Variants in RBBP6 observed in about 807,000 individuals in gnomAD.
The protein encoded by RBBP6 is RB binding protein 6, ubiquitin ligase.
In RBBP6, 25 loss-of-function variants were observed where a neutral mutation model predicts 167.7. The observed-to-expected ratio is 0.15, with a 90% CI of 0.11 to 0.21. The LOEUF (loss-of-function observed/expected upper bound fraction) is 0.21, where lower values mean the gene tolerates loss of function less well. RBBP6 is among the 10% of genes least tolerant of loss of function. The pLI, the probability that RBBP6 is intolerant of heterozygous loss-of-function variation, is 1.00. For synonymous variants in RBBP6, 789 were observed against 735.8 expected, an observed-to-expected ratio of 1.07 and a Z score of -1.17; for missense variants, 1,868 against 2,134.2, an observed-to-expected ratio of 0.88 and a Z score of 2.46.
intron 13 of RBBP6, 81 bp from the exon 14 acceptor site, chr16:24,564,716 G>T: frequency 3.4e-6 from 5 of 1,454,654 alleles, no homozygotes; most frequent in South Asian, 1.6e-5. Context: ...TAAAATTGGT[G>T]TCTTAACAGC....
chr16:24,560,226 C>T (rs541872836), intron 8 of RBBP6, among the ~76,000 whole-genome samples: 2 of 151,626 alleles, frequency 1.3e-5, no homozygotes, highest in Non-Finnish European at 2.9e-5. Flanking sequence ...TCTGCCTCAG[C>T]CTCCCAAGTA....
rs746604822 is a variant in RBBP6, at chr16:24,572,049, T to C, written c.4983T>C (p.Ile1661=). 22 of 1,614,008 alleles carry C rather than the reference T, an allele frequency of 1.4e-5. No homozygotes were observed. The South Asian group carries it at 2.3e-4, about 17-fold the overall frequency. Residue 1661 remains isoleucine, a synonymous_variant, in exon 18 of 18, where the codon ATT becomes ATC. Coordinates refer to ENST00000319715, the MANE Select transcript of RBBP6 (RefSeq NM_006910.5). ...SVKEEESSGN[I]SKDLKDKIVE... Reference sequence around the variant, plus strand: ...AAGAAGAGGAATCTTCAGGAAACATTTCTAAGGACCTGAAAGATAAAATAG... The same window carrying C: ...AAGAAGAGGAATCTTCAGGAAACATCTCTAAGGACCTGAAAGATAAAATAG...
Position 24,570,382 on chromosome 16 carries a change from C to T in RBBP6, c.3692C>T (p.Pro1231Leu), listed in dbSNP as rs1310010713. The T allele has an allele frequency of 2.5e-6, 4 of 1,612,588 alleles. No individual in the cohort carries two copies. The highest frequency in any genetic ancestry group is 1.7e-5 in the Admixed American group (1 of 59,656). Residue 1231 changes from proline (P) to leucine (L), a missense_variant, in exon 17 of 18, where the codon CCC becomes CTC. Coordinates refer to ENST00000319715, the MANE Select transcript of RBBP6 (RefSeq NM_006910.5). ...GAAAATATATCAAACACAAAAGAAC[C>T]CTCTGAAAAATTGGAGTCAACATCT... is the stretch of plus-strand genomic sequence containing the variant. ...STENISNTKEPSEKLESTSSK... is the reference protein window; with the variant it reads ...STENISNTKELSEKLESTSSK...
At chr16:24,541,210 A>C (rs1301577000) in intron 1 of RBBP6, among the ~76,000 whole-genome samples, 1 of 150,038 alleles carries the variant, frequency 6.7e-6, no homozygotes, top group African/African-American at 2.5e-5. Context: ...AAAACCAAAA[A>C]AACAATTTTC....
rs1004373807 is a variant in RBBP6, at chr16:24,540,490, A to G, written c.-137A>G. ...GAACCCCTGCTTGTGGTTGGGGGGT[A>G]TTTAATCTGAGGCCTTAGGGTCCTT... On this transcript the variant is annotated 5_prime_UTR_variant, in exon 1 of 18. Coordinates refer to ENST00000319715, the MANE Select transcript of RBBP6 (RefSeq NM_006910.5). The G allele has an allele frequency of 5.5e-5, 43 of 777,512 alleles. No individual in the cohort carries two copies. The highest frequency in any genetic ancestry group is 8.1e-5 in the Non-Finnish European group (41 of 509,098). 48.2% of individuals were successfully genotyped at this position (777,512 alleles called of 1,614,324 possible). A position where few individuals can be genotyped will look rare whatever the true frequency, so the allele number is the denominator to read the frequency against.
chr16:24,545,559 C>A (rs900383651), intron 1 of RBBP6, among the ~76,000 whole-genome samples: 1 of 151,802 alleles, frequency 6.6e-6, no homozygotes, highest in African/African-American at 2.4e-5. Flanking sequence ...TTTTTTTATC[C>A]TTTGCCTGAA....
At position 24,571,624 on chromosome 16, in the gene RBBP6, G is replaced by T; in HGVS notation, c.4558G>T (p.Asp1520Tyr). 6.2e-7 allele frequency: 1 copy of T among 1,611,498 alleles called. No individual in the cohort carries two copies. Reference protein sequence around the residue: ...GQKNKPREERDLPKKGTGDSK... With the variant: ...GQKNKPREERYLPKKGTGDSK... ...GAAAAATAAACCAAGGGAAGAGAGA[G>T]ATTTGCCTAAAAAAGGAACAGGAGA... The change falls in exon 18 of 18, where the codon GAT (aspartate) becomes TAT (tyrosine). Residue 1520 changes from aspartate to tyrosine, a missense_variant. By Grantham distance (160) the Asp-to-Tyr change is radical (BLOSUM62 -3). Coordinates refer to ENST00000319715, the MANE Select transcript of RBBP6 (RefSeq NM_006910.5).
rs543933584 is a variant in RBBP6 at position 24,571,148 on chromosome 16, A to G, written c.4082A>G (p.Lys1361Arg). Residue 1361 changes from lysine to arginine, a missense_variant, in exon 18 of 18, where the codon AAG becomes AGG. Around this residue, in one of 7 missense-constraint regions of RBBP6, gnomAD observed 591 missense variants for 540.5 expected, o/e 1.09. Transcript: ENST00000319715. ...NVSTKPSNIV[K>R]YPEKESEPSE... ...AGTACAAAGCCATCAAATATAGTCAAGTATCCTGAGAAAGAAAGTGAGCCA... is the reference window on the plus strand; with the variant it reads ...AGTACAAAGCCATCAAATATAGTCAGGTATCCTGAGAAAGAAAGTGAGCCA... The G allele has an allele frequency of 9.9e-6, 16 of 1,613,806 alleles. No homozygotes were observed. In the South Asian group the frequency reaches 1.6e-4, roughly 17 times the overall value.
At chr16:24,544,943 C>A (rs927895133) in intron 1 of RBBP6, among the ~76,000 whole-genome samples, 1 of 152,182 alleles carries the variant, frequency 6.6e-6, no homozygotes, top group African/African-American at 2.4e-5. Flanking sequence ...GTCAATCCTA[C>A]CTGCAAACAT....
At chr16:24,564,961 G>A (rs1596511213) in intron 14 of RBBP6, 96 bp downstream of exon 14, 12 of 1,491,836 alleles carry the variant, frequency 8.0e-6, no homozygotes, top group Middle Eastern at 4.0e-4. Context: ...GGAAGGAAGG[G>A]GGTCATTTGT....
chr16:24,571,929 C>T lies in RBBP6; in HGVS notation c.4863C>T (p.Ser1621=). The T allele has an allele frequency of 1.2e-6, 2 of 1,614,026 alleles. No individual in the cohort carries two copies. The highest frequency in any genetic ancestry group is 8.5e-7 in the Non-Finnish European group (1 of 1,179,974). ...AGCCTAAACCCCAGTTAAGTCATTCCTCTAGACTTTCCTCTGACTTAACTA... is the reference window on the plus strand; with the variant it reads ...AGCCTAAACCCCAGTTAAGTCATTCTTCTAGACTTTCCTCTGACTTAACTA... ...TVKPKPQLSH[S]SRLSSDLTRE... Residue 1621 remains serine (S), a synonymous_variant, in exon 18 of 18, where the codon TCC becomes TCT. Transcript: ENST00000319715.
At chr16:24,564,886 G>C in intron 14 of RBBP6, 21 bp downstream of exon 14, 2 of 1,600,896 alleles carry the variant, frequency 1.2e-6, no homozygotes, top group Admixed American at 1.7e-5. Context: ...TAAAAATCTT[G>C]GAAAATAATC....
chr16:24,569,474 T>C lies in RBBP6; in HGVS notation c.2784T>C (p.Gly928=). 6.2e-7 allele frequency: 1 copy of C among 1,610,728 alleles called. No homozygotes were observed. Among genetic ancestry groups the C allele is most frequent in the South Asian group, 1.1e-5 (1 of 90,450 alleles). ...AGAGTGAAAACGCTCCAGGAGATGG[T>C]AAAGGAAATAAGCATAAGAAACACA... The part of the protein sequence containing the change: ...EKESENAPGD[G]KGNKHKKHRK... The change falls in exon 17 of 18, where the codon GGT becomes GGC. Residue 928 remains glycine (G), a synonymous_variant. Coordinates refer to ENST00000319715, the MANE Select transcript of RBBP6 (RefSeq NM_006910.5).
chr16:24,545,480 C>T (rs888730079), intron 1 of RBBP6, among the ~76,000 whole-genome samples: 1 of 152,114 alleles, frequency 6.6e-6, no homozygotes, highest in African/African-American at 2.4e-5. Flanking sequence ...ATGGTCTATA[C>T]CTTTCTGTCA....
intron 1 of RBBP6, among the ~76,000 whole-genome samples, chr16:24,541,139 G>C (rs1317041974): frequency 6.9e-6 from 1 of 145,574 alleles, no homozygotes; most frequent in Non-Finnish European, 1.5e-5. Context: ...TTTTCCATCA[G>C]GAGGGCAGGA....
chr16:24,553,675 A>T (rs1596503812), intron 4 of RBBP6, 118 bp downstream of exon 4: 12 of 642,254 alleles, frequency 1.9e-5, no homozygotes, highest in Middle Eastern at 4.5e-4. Context: ...AGCATTGTAC[A>T]TATTATTACT....
Position 24,569,124 on chromosome 16 carries a change from T to G in RBBP6, c.2434T>G (p.Tyr812Asp). The change falls in exon 17 of 18, where the codon TAT becomes GAT. Residue 812 changes from tyrosine (Y) to aspartate (D), a missense_variant. By Grantham distance (160) the Tyr-to-Asp change is radical. Around this residue, in one of 7 missense-constraint regions of RBBP6, gnomAD observed 673 missense variants for 691.5 expected, o/e 0.97. Transcript: ENST00000319715. ...VPPPYDMKAYYGRSVDFRDPF... is the reference protein window; with the variant it reads ...VPPPYDMKAYDGRSVDFRDPF... ...ACCACCATATGACATGAAAGCATAT[T>G]ATGGGAGAAGTGTTGACTTTAGAGA... The G allele has an allele frequency of 6.2e-7, 1 of 1,613,146 alleles. No homozygotes were observed. The highest frequency in any genetic ancestry group is 1.3e-5 in the African/African-American group (1 of 74,924).
At chr16:24,559,055 T>C (rs1898986526) in intron 7 of RBBP6, among the ~76,000 whole-genome samples, 1 of 152,204 alleles carries the variant, frequency 6.6e-6, no homozygotes, top group African/African-American at 2.4e-5. Flanking sequence ...TGAGAGACTT[T>C]TGGGTTATGG....
intron 17 of RBBP6, 70 bp downstream of exon 17, chr16:24,570,569 T>A: frequency 3.0e-6 from 4 of 1,340,666 alleles, no homozygotes; most frequent in Non-Finnish European, 4.0e-6. Flanking sequence ...TATCCATGCT[T>A]GTGCTTTTTA....
Sources: allele counts gnomAD v4.1 joint callset (sites outside exome capture counted in the v4.1 genomes callset), GRCh38; gene constraint gnomAD v4.1.1; regional missense constraint gnomAD v4.1.1; transcripts MANE v1.5; gene names NCBI Gene and HGNC (gene_info 2026-07-23, HGNC 2026-07-21).